Variants in ANKRD36C observed in about 807,000 individuals in gnomAD.
The protein encoded by ANKRD36C is ankyrin repeat domain 36C, also known as ankyrin repeat domain-containing protein 36C.
In ANKRD36C, 61 loss-of-function variants were observed where a neutral mutation model predicts 276.4. The ratio of observed to expected loss-of-function variants is 0.22; its 90% CI spans 0.18 to 0.27. ANKRD36C has a LOEUF of 0.27. Among genes scored for constraint, ANKRD36C ranks in the 10% least tolerant of loss-of-function variants. The pLI, the probability that ANKRD36C is intolerant of heterozygous loss-of-function variation, is 1.00. For missense variants in ANKRD36C, 1,447 were observed against 2,032.3 expected (o/e 0.71, Z 5.54); for synonymous variants, 483 against 680.1 (o/e 0.71, Z 4.51).
chr2:95,923,415 C>A (rs1677324736), intron 32 of ANKRD36C, 80 bp downstream of exon 32: 9 of 1,529,978 alleles, frequency 5.9e-6, no homozygotes, highest in African/African-American at 1.4e-5. Context: ...TTTGATGAGC[C>A]CCCCGCTGAT....
At chr2:95,957,975 T>G (rs1268767870) in intron 12 of ANKRD36C, among the ~76,000 whole-genome samples, 1 of 152,212 alleles carries the variant, frequency 6.6e-6, no homozygotes, top group Non-Finnish European at 1.5e-5. Flanking sequence ...TAGCACTCTA[T>G]CCTGCTTCCA....
At chr2:95,875,182 A>T (rs1675915035) in intron 59 of ANKRD36C, among the ~76,000 whole-genome samples, 1 of 152,198 alleles carries the variant, frequency 6.6e-6, no homozygotes, top group Non-Finnish European at 1.5e-5. Context: ...ATTACTGGGT[A>T]TATACCCAAA....
At chr2:95,910,985 A>G (rs930282298) in intron 42 of ANKRD36C, among the ~76,000 whole-genome samples, 3 of 151,432 alleles carry the variant, frequency 2.0e-5, no homozygotes, top group Non-Finnish European at 4.4e-5. Context: ...TACTACAAAC[A>G]TTCATCATGC....
chr2:95,918,633 G>A (rs575833438), intron 34 of ANKRD36C, among the ~76,000 whole-genome samples: 12 of 151,790 alleles, frequency 7.9e-5, no homozygotes, highest in Non-Finnish European at 1.3e-4. Flanking sequence ...CCCATGTGGT[G>A]TAATAATTTG....
intron 46 of ANKRD36C, 90 bp from the exon 67 acceptor site, chr2:95,890,084 C>A: frequency 6.7e-7 from 1 of 1,486,658 alleles, no homozygotes; most frequent in Middle Eastern, 2.4e-4. Context: ...AATCTCTGTC[C>A]TCCTGCCTGT....
At chr2:95,889,771 A>G (rs1364342829) in intron 48 of ANKRD36C, 28 bp downstream of exon 68, 3 of 1,563,042 alleles carry the variant, frequency 1.9e-6, no homozygotes, top group Non-Finnish European at 2.6e-6. Context: ...TTGAACGAAC[A>G]TCCTATTAAA....
intron 5 of ANKRD36C, among the ~76,000 whole-genome samples, chr2:95,978,426 A>G (rs946280553): frequency 6.6e-6 from 1 of 152,070 alleles, no homozygotes; most frequent in Non-Finnish European, 1.5e-5. Context: ...TCAGCTTGAC[A>G]CAATGGAAAG....
chr2:95,930,709 T>G (rs1029725995), intron 24 of ANKRD36C, among the ~76,000 whole-genome samples: 3 of 151,600 alleles, frequency 2.0e-5, no homozygotes, highest in African/African-American at 7.3e-5. Context: ...TGTTTAGTAC[T>G]CTTAAAATAC....
intron 8 of ANKRD36C, among the ~76,000 whole-genome samples, chr2:95,961,089 T>C (rs1290504793): frequency 6.6e-6 from 1 of 152,146 alleles, no homozygotes; most frequent in African/African-American, 2.4e-5. Context: ...TACAAATATT[T>C]ATCATGTTCT....
intron 20 of ANKRD36C, among the ~76,000 whole-genome samples, chr2:95,939,777 A>G (rs2104459806): frequency 6.6e-6 from 1 of 152,310 alleles, no homozygotes; most frequent in Non-Finnish European, 1.5e-5. Context: ...TCATTAGTTT[A>G]GATATCTACT....
At chr2:95,856,987 A>T (rs2104252250) in intron 62 of ANKRD36C, among the ~76,000 whole-genome samples, 1 of 152,294 alleles carries the variant, frequency 6.6e-6, no homozygotes, top group East Asian at 1.9e-4. Context: ...GATAACTTTT[A>T]TTCCTTTTCC....
chr2:95,958,023 T>G (rs1678371692), intron 12 of ANKRD36C, among the ~76,000 whole-genome samples: 1 of 152,254 alleles, frequency 6.6e-6, no homozygotes, highest in Admixed American at 6.5e-5. Flanking sequence ...TTTTCCTTTA[T>G]GCAAACATTC....
chr2:95,923,673 T>C (rs1215174412), exon 31 of ANKRD36C: 5 of 1,610,552 alleles, frequency 3.1e-6, no homozygotes, highest in East Asian at 2.2e-5. Context: ...TTGAGGGTGG[T>C]TGTTTCTGAG....
chr2:95,974,433 C>T (rs1011223867), intron 6 of ANKRD36C, among the ~76,000 whole-genome samples: 9 of 152,082 alleles, frequency 5.9e-5, no homozygotes, highest in African/African-American at 1.7e-4. Flanking sequence ...GTCAAAAATA[C>T]CTGTGTTAGA....
exon 1 of ANKRD36C, chr2:95,991,751 C>T (rs1319553107): frequency 8.8e-6 from 14 of 1,595,746 alleles, no homozygotes; most frequent in Non-Finnish European, 1.2e-5. Context: ...TATTTCAGCT[C>T]GCCTTCGGGG....
chr2:95,935,231 C>T (rs1412509737), intron 24 of ANKRD36C, among the ~76,000 whole-genome samples: 3 of 152,092 alleles, frequency 2.0e-5, no homozygotes, highest in Non-Finnish European at 2.9e-5. Flanking sequence ...TTTATTACAA[C>T]CTAAAAGGAA....
intron 19 of ANKRD36C, among the ~76,000 whole-genome samples, chr2:95,944,349 C>G (rs564009380): frequency 4.3e-4 from 65 of 152,308 alleles, no homozygotes; most frequent in Admixed American, 3.3e-4. Flanking sequence ...ATCATTTACT[C>G]CCACAACCTT....
intron 8 of ANKRD36C, 52 bp downstream of exon 8, chr2:95,962,300 A>C: frequency 6.7e-7 from 1 of 1,502,636 alleles, no homozygotes; most frequent in Non-Finnish European, 9.0e-7. Flanking sequence ...AGGGAACAGC[A>C]GTTCCCTTCT....
chr2:95,982,849 C>T (rs549757674), intron 3 of ANKRD36C, among the ~76,000 whole-genome samples: 56 of 127,796 alleles, frequency 4.4e-4, no homozygotes, highest in African/African-American at 1.6e-3. Flanking sequence ...AGAATTTGAA[C>T]ATTATACCCC....
Sources: allele counts gnomAD v4.1 joint callset (sites outside exome capture counted in the v4.1 genomes callset), GRCh38; gene constraint gnomAD v4.1.1; transcripts MANE v1.5; gene names NCBI Gene and HGNC (gene_info 2026-07-23, HGNC 2026-07-21).